The following WWOX variants were observed in gnomAD, a reference collection of about 807,000 sequenced individuals.
WWOX encodes WW domain containing oxidoreductase, also known as WW domain-containing oxidoreductase.
Under a neutral mutation model 46.2 loss-of-function variants are expected in WWOX, and 69 were observed. That is an observed-to-expected ratio of 1.49 (90% CI 1.23 to 1.82). WWOX has a LOEUF of 1.82. Ranked by LOEUF, WWOX falls within the 40% of genes most tolerant of loss-of-function variation. WWOX has a pLI of 0.00. For missense variants in WWOX, 919 were observed against 542.6 expected, an observed-to-expected ratio of 1.69 and a Z score of -6.89; for synonymous variants, 359 against 202.6, an observed-to-expected ratio of 1.77 and a Z score of -6.56.
At chr16:78,522,880 T>C (rs1345699521) in intron 8 of WWOX, among the ~76,000 whole-genome samples, 2 of 152,206 alleles carry the variant, frequency 1.3e-5, no homozygotes, top group Non-Finnish European at 2.9e-5. Context: ...GAGACCAGCC[T>C]GGCCAACATG....
intron 8 of WWOX, among the ~76,000 whole-genome samples, chr16:78,750,997 A>C (rs764842459): frequency 6.6e-6 from 1 of 152,030 alleles, no homozygotes; most frequent in African/African-American, 2.4e-5. Flanking sequence ...TTTTCCTTTG[A>C]ATGTATACCC....
At chr16:78,770,404 G>C (rs1394369066) in intron 8 of WWOX, among the ~76,000 whole-genome samples, 1 of 152,130 alleles carries the variant, frequency 6.6e-6, no homozygotes, top group Non-Finnish European at 1.5e-5. Context: ...TTTGGGAGCA[G>C]CCAGTACCAA....
At chr16:79,124,967 C>A (rs1283281057) in intron 8 of WWOX, among the ~76,000 whole-genome samples, 1 of 152,060 alleles carries the variant, frequency 6.6e-6, no homozygotes, top group South Asian at 2.1e-4. Flanking sequence ...ATGATTTTCT[C>A]CAGATCATTC....
rs562062994 is a variant in WWOX, at chr16:78,867,441, A to G, written c.1057-344167A>G. On this transcript the variant is annotated intron_variant, in intron 8 of 8. Coordinates refer to ENST00000566780, the MANE Select transcript of WWOX (RefSeq NM_016373.4). ...TAATCTAGAGCTATTATAGTTTCCA[A>G]TTGACAGATGGGGAATCTGAGACTC... Among the ~76,000 whole-genome samples, 10 of 152,016 alleles carry G rather than the reference A, an allele frequency of 6.6e-5. 1 individual carries two copies. Among genetic ancestry groups the G allele is most frequent in the East Asian group, 5.8e-4 (3 of 5,178 alleles).
intron 8 of WWOX, among the ~76,000 whole-genome samples, chr16:79,010,057 G>C (rs1469135): frequency 0.24 from 35,918 of 152,170 alleles, 5,444 homozygotes; most frequent in African/African-American, 0.43. Context: ...AAGCTGCTAT[G>C]CTTGCAAAGG....
At chr16:78,298,133 C>T (rs2079971763) in intron 5 of WWOX, among the ~76,000 whole-genome samples, 1 of 152,128 alleles carries the variant, frequency 6.6e-6, no homozygotes, top group Non-Finnish European at 1.5e-5. Context: ...TGTAAGTTTT[C>T]TGAGGCCTCT....
rs116102223 is a variant in WWOX, at chr16:79,136,139, A to G, written c.1057-75469A>G. 6.8e-3 allele frequency among the ~76,000 whole-genome samples: 1,034 copies of G among 152,248 alleles called. 8 individuals carry two copies. Among genetic ancestry groups the G allele is most frequent in the African/African-American group, 0.024 (979 of 41,538 alleles). Reference sequence around the variant, plus strand: ...AAAGCTAGTCAACGTCCAACTGCCAATGTTGCCTGAACAGGAAATATTTAT... The same window carrying G: ...AAAGCTAGTCAACGTCCAACTGCCAGTGTTGCCTGAACAGGAAATATTTAT... On this transcript the variant is annotated intron_variant, in intron 8 of 8. Coordinates refer to ENST00000566780, the MANE Select transcript of WWOX (RefSeq NM_016373.4).
intron 8 of WWOX, among the ~76,000 whole-genome samples, chr16:78,643,164 G>A (rs1468521400): frequency 6.6e-6 from 1 of 152,116 alleles, no homozygotes; most frequent in Non-Finnish European, 1.5e-5. Flanking sequence ...CGACAGCTCT[G>A]GAACTTGTAA....
intron 8 of WWOX, among the ~76,000 whole-genome samples, chr16:78,744,583 C>T (rs951497608): frequency 1.3e-5 from 2 of 151,872 alleles, no homozygotes; most frequent in Non-Finnish European, 2.9e-5. Flanking sequence ...AGGCACCTGC[C>T]ACCACACCTG....
intron 8 of WWOX, among the ~76,000 whole-genome samples, chr16:78,914,126 C>G (rs1255118632): frequency 6.6e-6 from 1 of 152,076 alleles, no homozygotes; most frequent in Non-Finnish European, 1.5e-5. Context: ...GGAGTCTTTC[C>G]TGGCTATCCT....
At chr16:78,615,484 C>A (rs1405127796) in intron 8 of WWOX, among the ~76,000 whole-genome samples, 1 of 151,844 alleles carries the variant, frequency 6.6e-6, no homozygotes, top group Non-Finnish European at 1.5e-5. Context: ...CCCATCTCTA[C>A]TATAAATTTA....
intron 4 of WWOX, among the ~76,000 whole-genome samples, chr16:78,159,685 T>TG (rs1469550958): frequency 5.2e-4 from 78 of 149,636 alleles, no homozygotes; most frequent in African/African-American, 1.9e-3. Flanking sequence ...TTTTTTTTTT[T>TG]TTTTTTTTTT....
intron 8 of WWOX, among the ~76,000 whole-genome samples, chr16:78,828,226 C>T (rs995202306): frequency 1.2e-4 from 19 of 152,202 alleles, no homozygotes; most frequent in African/African-American, 4.6e-4. Flanking sequence ...CTTCTGCTCC[C>T]TGTCACAGTG....
rs145677535 is a variant in WWOX at position 79,207,531 on chromosome 16, A to G, written c.1057-4077A>G. Reference sequence around the variant, plus strand: ...GGATTAATTCAGCATTTGCTGTGCAATGTCCCTGTAAGAAAGCAATCTTAG... The same window carrying G: ...GGATTAATTCAGCATTTGCTGTGCAGTGTCCCTGTAAGAAAGCAATCTTAG... On this transcript the variant is annotated intron_variant, in intron 8 of 8. Transcript: ENST00000566780. Among the ~76,000 whole-genome samples, 161 of 152,312 alleles carry G rather than the reference A, an allele frequency of 1.1e-3. 1 individual carries two copies. The highest frequency in any genetic ancestry group is 5.0e-3 in the South Asian group (24 of 4,820).
chr16:78,901,350 T>C (rs976515281), intron 8 of WWOX, among the ~76,000 whole-genome samples: 12 of 152,234 alleles, frequency 7.9e-5, no homozygotes, highest in African/African-American at 2.9e-4. Flanking sequence ...TTATAGAATA[T>C]TTTCACGGAA....
chr16:78,945,442 G>A (rs996302336), intron 8 of WWOX, among the ~76,000 whole-genome samples: 1 of 152,156 alleles, frequency 6.6e-6, no homozygotes, highest in Non-Finnish European at 1.5e-5. Flanking sequence ...TCAAAATCAG[G>A]TTTGAAAGTC....
chr16:78,880,722 G>A (rs926454066), intron 8 of WWOX, among the ~76,000 whole-genome samples: 1 of 152,202 alleles, frequency 6.6e-6, no homozygotes, highest in Non-Finnish European at 1.5e-5. Context: ...ATAAGTGTGA[G>A]TGACTATTTT....
intron 8 of WWOX, among the ~76,000 whole-genome samples, chr16:78,971,867 C>T (rs1345638640): frequency 6.6e-6 from 1 of 152,086 alleles, no homozygotes; most frequent in African/African-American, 2.4e-5. Context: ...TTCCTGGGAC[C>T]TCAGTTTCCT....
At chr16:79,136,349 G>A (rs769255705) in intron 8 of WWOX, among the ~76,000 whole-genome samples, 1 of 151,734 alleles carries the variant, frequency 6.6e-6, no homozygotes, top group African/African-American at 2.4e-5. Flanking sequence ...TCCTGCCTCC[G>A]CCTCCCAAGT....
Sources: allele counts gnomAD v4.1 joint callset (sites outside exome capture counted in the v4.1 genomes callset), GRCh38; gene constraint gnomAD v4.1.1; transcripts MANE v1.5; gene names NCBI Gene and HGNC (gene_info 2026-07-23, HGNC 2026-07-21).